Variants in PCDHA4 observed in about 807,000 individuals in gnomAD.
The protein encoded by PCDHA4 is protocadherin alpha 4, also known as protocadherin alpha-4.
PCDHA4 carries 49 observed loss-of-function variants against 61.4 expected under a neutral mutation model. The ratio of observed to expected loss-of-function variants is 0.80; its 90% CI spans 0.63 to 1.01. PCDHA4 has a LOEUF of 1.01. Among genes scored for constraint, PCDHA4 ranks in the 50% least tolerant of loss-of-function variants. The pLI is 0.00. For synonymous variants in PCDHA4, 590 were observed against 550.3 expected (o/e 1.07, Z -1.01); for missense variants, 1,254 against 1,235.8 (o/e 1.01, Z -0.22).
At position 140,950,404 on chromosome 5, in the gene PCDHA4, T is replaced by C. The variant is rs947428237; in HGVS notation, c.2386-28545T>C. ...TTGAATGATATAGAATTCTGGGGGATTGACAGATTTTATTTTCTTCCACTT... is the reference window on the plus strand; with the variant it reads ...TTGAATGATATAGAATTCTGGGGGACTGACAGATTTTATTTTCTTCCACTT... On this transcript the variant is annotated intron_variant, in intron 1 of 3. Coordinates refer to ENST00000530339, the MANE Select transcript of PCDHA4 (RefSeq NM_018907.4). 2.0e-5 allele frequency among the ~76,000 whole-genome samples: 3 copies of C among 152,044 alleles called. 1 individual carries two copies. Among genetic ancestry groups the C allele is most frequent in the East Asian group, 1.9e-4 (1 of 5,204 alleles).
At position 140,809,128 on chromosome 5, in the gene PCDHA4, A is replaced by G. The variant is rs1554125019; in HGVS notation, c.1941A>G (p.Leu647=). Residue 647 remains leucine, a synonymous_variant, in exon 1 of 4, where the codon CTA becomes CTG. Transcript: ENST00000530339. ...AAACGGACGCTCCGCGCCACCGCCT[A>G]CTGGTACTGGTGAAGGACCACGGCG... ...LDETDAPRHR[L]LVLVKDHGEP... 3.1e-6 allele frequency: 5 copies of G among 1,613,956 alleles called. No individual in the cohort carries two copies. Among genetic ancestry groups the G allele is most frequent in the Middle Eastern group, 1.6e-4 (1 of 6,062 alleles).
At chr5:140,862,901 C>CA in intron 1 of PCDHA4, 2 of 551,296 alleles carry the variant, frequency 3.6e-6, no homozygotes, top group Non-Finnish European at 3.5e-6. Context: ...ACTTTGTCTG[C>CA]GCTGCTGGCG....
intron 1 of PCDHA4, chr5:140,927,044 C>T (rs1337649079): frequency 6.2e-7 from 1 of 1,612,210 alleles, no homozygotes; most frequent in Non-Finnish European, 8.5e-7. Flanking sequence ...GCCGCTATGT[C>T]CTCGCGGAAC....
rs2041539059 is a variant in PCDHA4, at chr5:140,850,345, G to A, written c.2385+40773G>A. On this transcript the variant is annotated intron_variant, in intron 1 of 3. Transcript: ENST00000530339. ...TACGAGCTGCAGCCAGAAACGGCCA[G>A]CGCGAGCATCCCGTTCCGCGTGGGG... 5.0e-6 allele frequency: 8 copies of A among 1,597,746 alleles called. 1 individual carries two copies. Among genetic ancestry groups the A allele is most frequent in the Non-Finnish European group, 6.9e-6 (8 of 1,167,738 alleles).
chr5:140,903,491 G>T (rs1253397353), intron 1 of PCDHA4, among the ~76,000 whole-genome samples: 4 of 152,094 alleles, frequency 2.6e-5, no homozygotes, highest in African/African-American at 9.7e-5. Flanking sequence ...GTTCTGAGCA[G>T]GTACCATAGA....
Position 140,836,160 on chromosome 5 carries a change from A to G in PCDHA4, c.2385+26588A>G, listed in dbSNP as rs1774254627. On this transcript the variant is annotated intron_variant, in intron 1 of 3. Transcript: ENST00000530339. ...TGTGGGCGCGGGCCATGTGGTGGCG[A>G]AGGTACGTGCAGTTGACGCTGACTC... 6.2e-7 allele frequency: 1 copy of G among 1,613,780 alleles called. No homozygotes were observed. The highest frequency in any genetic ancestry group is 1.7e-5 in the Admixed American group (1 of 60,020).
chr5:141,000,743 TA>T (rs527867626), intron 3 of PCDHA4, among the ~76,000 whole-genome samples: 276 of 145,094 alleles, frequency 1.9e-3, no homozygotes, highest in Admixed American at 4.4e-3. Context: ...CTCTGTATAT[TA>T]AAAAAAAAAA....
At chr5:140,914,695 A>T (rs970720014) in intron 1 of PCDHA4, among the ~76,000 whole-genome samples, 1 of 151,978 alleles carries the variant, frequency 6.6e-6, no homozygotes, top group African/African-American at 2.4e-5. Context: ...CTCTGGTGGT[A>T]TGATTTAATT....
At chr5:140,928,321 A>G (rs1296238254) in intron 1 of PCDHA4, 1 of 1,614,162 alleles carries the variant, frequency 6.2e-7, no homozygotes, top group Non-Finnish European at 8.5e-7. Context: ...CCTGGGGAAG[A>G]ATGGCCTTGT....
intron 3 of PCDHA4, among the ~76,000 whole-genome samples, chr5:140,995,853 A>G (rs934469128): frequency 4.6e-5 from 7 of 152,220 alleles, no homozygotes. Context: ...TTTCTATCGT[A>G]TCACTTAATA....
chr5:140,899,402 G>T (rs1465071147), intron 1 of PCDHA4, among the ~76,000 whole-genome samples: 2 of 152,004 alleles, frequency 1.3e-5, no homozygotes, highest in South Asian at 2.1e-4. Context: ...TAGCATGAAG[G>T]GTTGTTGAAT....
rs782009545 is a variant in PCDHA4, at chr5:140,809,462, T to A, written c.2275T>A (p.Cys759Ser). Residue 759 changes from cysteine (C) to serine (S), a missense_variant, in exon 1 of 4, where the codon TGC (cysteine) becomes AGC (serine). By Grantham distance (112) the Cys-to-Ser change is moderately radical (BLOSUM62 -1). Coordinates refer to ENST00000530339, the MANE Select transcript of PCDHA4 (RefSeq NM_018907.4). Reference sequence around the variant, plus strand: ...CTCGCAGCAGAGGAGGCCGAGGGTGTGCTCTGGTGAGGGCCCACCCAAGAC... The same window carrying A: ...CTCGCAGCAGAGGAGGCCGAGGGTGAGCTCTGGTGAGGGCCCACCCAAGAC... ...SYSQQRRPRV[C>S]SGEGPPKTDL... is the part of the protein sequence containing the mutation. 41 of 1,614,090 alleles carry A rather than the reference T, an allele frequency of 2.5e-5. 1 individual carries two copies. In the South Asian group the frequency reaches 4.5e-4, roughly 18 times the overall value.
intron 1 of PCDHA4, among the ~76,000 whole-genome samples, chr5:140,844,789 C>A (rs2150373812): frequency 6.7e-6 from 1 of 149,202 alleles, no homozygotes; most frequent in African/African-American, 2.4e-5. Flanking sequence ...TGGTATCTTT[C>A]AACATTTTCT....
rs1781057747 is a variant in PCDHA4 at position 140,847,527 on chromosome 5, G to T, written c.2385+37955G>T. On this transcript the variant is annotated intron_variant, in intron 1 of 3. Transcript: ENST00000530339. ...ACTTTGTAGAACTTAGTCAGGAAAA[G>T]AATCTCAAGCATAGCTTTAAAAACA... 2.0e-5 allele frequency: 3 copies of T among 149,526 alleles called. No homozygotes were observed. In the Admixed American group the frequency reaches 2.0e-4, roughly 10 times the overall value. The allele number at this position is 149,526 out of a possible 1,614,324, so 9.3% of individuals were successfully genotyped here.
chr5:140,809,795 A>C (rs1554125360), intron 1 of PCDHA4: 2 of 457,272 alleles, frequency 4.4e-6, no homozygotes, highest in African/African-American at 4.0e-5. Flanking sequence ...CAGAACTGTA[A>C]TTTCTAGTAA....
At chr5:140,928,332 C>T in intron 1 of PCDHA4, 1 of 1,614,182 alleles carries the variant, frequency 6.2e-7, no homozygotes, top group Non-Finnish European at 8.5e-7. Context: ...ATGGCCTTGT[C>T]TCTTATGAGC....
At chr5:140,838,902 A>G (rs1775938113) in intron 1 of PCDHA4, among the ~76,000 whole-genome samples, 1 of 152,028 alleles carries the variant, frequency 6.6e-6, no homozygotes, top group Non-Finnish European at 1.5e-5. Context: ...GTGACAGAGC[A>G]ATACCTTGCC....
At chr5:140,915,059 C>T (rs1554196724) in intron 1 of PCDHA4, among the ~76,000 whole-genome samples, 1 of 151,706 alleles carries the variant, frequency 6.6e-6, no homozygotes, top group Non-Finnish European at 1.5e-5. Flanking sequence ...GATTCTCCTG[C>T]CTTAGCCTAC....
intron 1 of PCDHA4, among the ~76,000 whole-genome samples, chr5:140,886,622 C>T (rs1483241958): frequency 6.6e-6 from 1 of 151,430 alleles, no homozygotes; most frequent in Non-Finnish European, 1.5e-5. Context: ...GATCAGGAGT[C>T]CGAGACCAGC....
Sources: gnomAD v4.1 joint callset for allele counts (sites outside exome capture counted in the v4.1 genomes callset) on GRCh38, gnomAD v4.1.1 for gene constraint, MANE v1.5 for transcripts, NCBI Gene and HGNC (gene_info 2026-07-23, HGNC 2026-07-21) for gene names.